The following SERINC5 variants were observed in gnomAD, a reference collection of about 807,000 sequenced individuals.
SERINC5 encodes the protein serine incorporator 5.
Under a neutral mutation model 63.1 loss-of-function variants are expected in SERINC5, and 41 were observed. The ratio of observed to expected loss-of-function variants is 0.65; its 90% confidence interval spans 0.51 to 0.84. The LOEUF is 0.84. SERINC5 is among the 40% of genes least tolerant of loss of function. SERINC5 has a pLI of 0.00. For synonymous variants in SERINC5, 222 were observed against 215.2 expected, an observed-to-expected ratio of 1.03 and a Z score of -0.28; for missense variants, 523 against 573.0, an observed-to-expected ratio of 0.91 and a Z score of 0.89.
At chr5:80,162,617 TC>T (rs1747015614) in intron 7 of SERINC5, among the ~76,000 whole-genome samples, 1 of 152,206 alleles carries the variant, frequency 6.6e-6, no homozygotes, top group Non-Finnish European at 1.5e-5. Flanking sequence ...CAAGCCATCC[TC>T]CCACCTTGGC....
chr5:80,213,862 T>C (rs1255562753), intron 1 of SERINC5, among the ~76,000 whole-genome samples: 1 of 152,150 alleles, frequency 6.6e-6, no homozygotes, highest in African/African-American at 2.4e-5. Context: ...TAATATATAC[T>C]ATACTCTACA....
chr5:80,198,122 G>A (rs1425028340), intron 2 of SERINC5, among the ~76,000 whole-genome samples: 1 of 152,094 alleles, frequency 6.6e-6, no homozygotes, highest in Non-Finnish European at 1.5e-5. Context: ...ACAGGCATGA[G>A]CCACCACACC....
downstream of SERINC5, among the ~76,000 whole-genome samples, chr5:80,137,550 G>T (rs1050271486): frequency 1.3e-5 from 2 of 150,614 alleles, no homozygotes; most frequent in African/African-American, 4.9e-5. Flanking sequence ...GCTGAGGCAG[G>T]AAAATTGCCT....
At chr5:80,144,808 G>T (rs561780857) in intron 11 of SERINC5, among the ~76,000 whole-genome samples, 1 of 152,214 alleles carries the variant, frequency 6.6e-6, no homozygotes, top group Non-Finnish European at 1.5e-5. Flanking sequence ...TCATAGAACC[G>T]TGTGGCACAT....
At chr5:80,156,010 A>G (rs900403999) in intron 8 of SERINC5, among the ~76,000 whole-genome samples, 9 of 152,062 alleles carry the variant, frequency 5.9e-5, no homozygotes, top group Non-Finnish European at 7.4e-5. Flanking sequence ...AGATACCCCA[A>G]AGGAAACAAG....
chr5:80,133,641 A>G (rs556056786), intron 11 of SERINC5, among the ~76,000 whole-genome samples: 14 of 152,380 alleles, frequency 9.2e-5, no homozygotes, highest in Non-Finnish European at 1.6e-4. Flanking sequence ...GAGGCAAAGA[A>G]CAAATCTAAG....
At chr5:80,241,234 G>C (rs537655768) in intron 1 of SERINC5, among the ~76,000 whole-genome samples, 94 of 148,246 alleles carry the variant, frequency 6.3e-4, no homozygotes, top group Middle Eastern at 3.4e-3. Context: ...ACTTTGGGAG[G>C]CCAAGGTGGG....
chr5:80,169,636 G>T, intron 5 of SERINC5, 90 bp from the exon 6 acceptor site: 1 of 992,156 alleles, frequency 1.0e-6, no homozygotes. Context: ...CATCCCTCAG[G>T]CAGTAACTAA....
intron 1 of SERINC5, among the ~76,000 whole-genome samples, chr5:80,206,558 C>T (rs1465455201): frequency 1.3e-5 from 2 of 152,200 alleles, no homozygotes; most frequent in Non-Finnish European, 2.9e-5. Flanking sequence ...AGAAGACATT[C>T]TACTCGGGCT....
At chr5:80,198,941 C>A (rs1448378914) in intron 2 of SERINC5, among the ~76,000 whole-genome samples, 1 of 152,172 alleles carries the variant, frequency 6.6e-6, no homozygotes, top group Non-Finnish European at 1.5e-5. Flanking sequence ...CCTTCCCTCT[C>A]TTCCTCCCTC....
At chr5:80,238,891 C>G (rs1413872415) in intron 1 of SERINC5, among the ~76,000 whole-genome samples, 1 of 151,898 alleles carries the variant, frequency 6.6e-6, no homozygotes, top group African/African-American at 2.4e-5. Flanking sequence ...CTGCTCTGCA[C>G]AGACAGCAGA....
At chr5:80,200,627 C>T (rs1455000717) in intron 2 of SERINC5, among the ~76,000 whole-genome samples, 1 of 152,204 alleles carries the variant, frequency 6.6e-6, no homozygotes, top group African/African-American at 2.4e-5. Flanking sequence ...TTCAAGCAGT[C>T]AGAGGGGAAC....
intron 8 of SERINC5, 125 bp from the exon 9 acceptor site, chr5:80,151,073 A>G: frequency 1.4e-6 from 1 of 722,324 alleles, no homozygotes; most frequent in South Asian, 1.5e-5. Context: ...CAGGAGACTT[A>G]AATCAAAGCA....
intron 11 of SERINC5, chr5:80,129,338 A>C (rs1744855289): frequency 6.6e-6 from 1 of 152,334 alleles, no homozygotes; most frequent in South Asian, 2.1e-4. Context: ...TCCCTCTGTC[A>C]CTGAGGCTGG....
At chr5:80,126,265 C>T (rs1239270009) in intron 11 of SERINC5, among the ~76,000 whole-genome samples, 1 of 152,172 alleles carries the variant, frequency 6.6e-6, no homozygotes, top group Non-Finnish European at 1.5e-5. Context: ...CACTATAAAA[C>T]CAGAAGCAAA....
intron 1 of SERINC5, among the ~76,000 whole-genome samples, chr5:80,213,623 A>G (rs1274765291): frequency 1.3e-5 from 2 of 152,176 alleles, no homozygotes; most frequent in African/African-American, 4.8e-5. Context: ...CCCTGTGTGT[A>G]CAGTAAGCAT....
At chr5:80,185,707 G>A (rs549473183) in intron 2 of SERINC5, among the ~76,000 whole-genome samples, 1 of 152,070 alleles carries the variant, frequency 6.6e-6, no homozygotes, top group Non-Finnish European at 1.5e-5. Flanking sequence ...AATGGGAGTC[G>A]CAAGGTGCTC....
chr5:80,148,047 G>T (rs1051065582), intron 9 of SERINC5, among the ~76,000 whole-genome samples: 17 of 152,054 alleles, frequency 1.1e-4, no homozygotes, highest in African/African-American at 3.6e-4. Context: ...AAGCTGGTAG[G>T]ATCTGAAATA....
At chr5:80,210,138 T>C (rs968756267) in intron 1 of SERINC5, among the ~76,000 whole-genome samples, 5 of 152,184 alleles carry the variant, frequency 3.3e-5, no homozygotes, top group African/African-American at 1.2e-4. Context: ...TATGTTGGGC[T>C]TTTCCCTTCT....
Sources: gnomAD v4.1 joint callset for allele counts (sites outside exome capture counted in the v4.1 genomes callset) on GRCh38, gnomAD v4.1.1 for gene constraint, MANE v1.5 for transcripts, NCBI Gene and HGNC (gene_info 2026-07-23, HGNC 2026-07-21) for gene names.